GALNTL6: variants seen among roughly 807,000 people sequenced by gnomAD.
GALNTL6 encodes the protein polypeptide N-acetylgalactosaminyltransferase like 6.
In GALNTL6, 46 loss-of-function variants were observed where a neutral mutation model predicts 73.7. The ratio of observed to expected loss-of-function variants is 0.62; its 90% confidence interval spans 0.49 to 0.80. The LOEUF is 0.80. Ranked by LOEUF, GALNTL6 falls within the 30% of genes least tolerant of loss-of-function variation. The pLI is 0.00. For missense variants in GALNTL6, 604 were observed against 755.0 expected (o/e 0.80, Z 2.34); for synonymous variants, 259 against 263.7 (o/e 0.98, Z 0.17).
At chr4:172,239,571 T>C (rs1435573513) in intron 3 of GALNTL6, among the ~76,000 whole-genome samples, 2 of 152,188 alleles carry the variant, frequency 1.3e-5, no homozygotes, top group Non-Finnish European at 2.9e-5. Context: ...ATTTTTTTTA[T>C]GTCTCAATTT....
chr4:172,381,711 A>G (rs950325135), intron 5 of GALNTL6, among the ~76,000 whole-genome samples: 9 of 152,118 alleles, frequency 5.9e-5, no homozygotes, highest in Non-Finnish European at 1.3e-4. Flanking sequence ...CCACTTTTTG[A>G]CTATTATCAA....
chr4:172,482,653 A>G lies in GALNTL6; in HGVS notation c.553+133964A>G, dbSNP rs1420698050. Among the ~76,000 whole-genome samples, 3 of 152,238 alleles carry G rather than the reference A, an allele frequency of 2.0e-5. No individual in the cohort carries two copies. In the East Asian group the frequency reaches 5.8e-4, roughly 29 times the overall value. ...ATACACTAGACTCTCAACATTTAGG[A>G]TTAACTTTTCTTTTCAGTTTTTGGT... On this transcript the variant is annotated intron_variant, in intron 5 of 12. Transcript: ENST00000506823.
chr4:172,656,222 G>A (rs1280440824), intron 5 of GALNTL6, among the ~76,000 whole-genome samples: 1 of 152,066 alleles, frequency 6.6e-6, no homozygotes, highest in Non-Finnish European at 1.5e-5. Flanking sequence ...CAATCTGATT[G>A]GATCCTGGAC....
At chr4:172,824,359 AT>A (rs1742113001) in intron 7 of GALNTL6, among the ~76,000 whole-genome samples, 1 of 146,482 alleles carries the variant, frequency 6.8e-6, no homozygotes, top group African/African-American at 2.6e-5. Flanking sequence ...CTTCCATGGT[AT>A]AGTGTGTGTG....
rs1736723072 is a variant in GALNTL6, at chr4:172,222,723, A to C, written c.139-6933A>C. Reference sequence around the variant, plus strand: ...TATGCAAGTATCATTAAAATGGTACATGAAAAATCATTTTGTGCTCTCAGG... The same window carrying C: ...TATGCAAGTATCATTAAAATGGTACCTGAAAAATCATTTTGTGCTCTCAGG... On this transcript the variant is annotated intron_variant, in intron 2 of 12. Transcript: ENST00000506823. Among the ~76,000 whole-genome samples, 3 of 151,996 alleles carry C rather than the reference A, an allele frequency of 2.0e-5. No individual in the cohort carries two copies. The South Asian group carries it at 6.2e-4, about 31-fold the overall frequency.
At chr4:172,238,622 A>G (rs989827861) in intron 3 of GALNTL6, among the ~76,000 whole-genome samples, 3 of 151,784 alleles carry the variant, frequency 2.0e-5, no homozygotes, top group East Asian at 3.9e-4. Context: ...TCTGACTAGG[A>G]CTTTCAGTAC....
At chr4:172,560,471 G>T (rs771366124) in intron 5 of GALNTL6, among the ~76,000 whole-genome samples, 1 of 151,964 alleles carries the variant, frequency 6.6e-6, no homozygotes, top group African/African-American at 2.4e-5. Context: ...CTTGGGTGAC[G>T]AAGTGAGACT....
intron 2 of GALNTL6, among the ~76,000 whole-genome samples, chr4:171,857,634 T>C (rs1735727845): frequency 6.6e-6 from 1 of 152,200 alleles, no homozygotes; most frequent in African/African-American, 2.4e-5. Context: ...AATGATGTGA[T>C]AATAGCGATG....
intron 12 of GALNTL6, among the ~76,000 whole-genome samples, chr4:173,026,952 G>A (rs976690572): frequency 2.0e-5 from 3 of 151,906 alleles, no homozygotes; most frequent in South Asian, 4.2e-4. Flanking sequence ...TCTACATTTC[G>A]GTTTATAATT....
At chr4:172,788,874 GA>G (rs1007609326) in intron 5 of GALNTL6, among the ~76,000 whole-genome samples, 7 of 152,014 alleles carry the variant, frequency 4.6e-5, no homozygotes, top group African/African-American at 1.7e-4. Context: ...GAGTATAGAT[GA>G]AAACCATTTT....
intron 7 of GALNTL6, among the ~76,000 whole-genome samples, chr4:172,834,282 A>T (rs968123405): frequency 6.6e-6 from 1 of 152,198 alleles, no homozygotes; most frequent in African/African-American, 2.4e-5. Context: ...GCTGAGAACC[A>T]TGAGAGCCCC....
intron 2 of GALNTL6, among the ~76,000 whole-genome samples, chr4:171,909,950 G>A (rs558171414): frequency 2.9e-4 from 44 of 152,104 alleles, no homozygotes; most frequent in African/African-American, 8.9e-4. Flanking sequence ...TGAAATACTG[G>A]CAATGGCTTT....
chr4:173,040,130 T>C lies in GALNTL6; in HGVS notation c.*30T>C. ...AAGAAAGGAAGAAAGAGTGATTACCTACAGGTTATAAATTAAATTTTAGCC... is the reference window on the plus strand; with the variant it reads ...AAGAAAGGAAGAAAGAGTGATTACCCACAGGTTATAAATTAAATTTTAGCC... On this transcript the variant is annotated 3_prime_UTR_variant, in exon 13 of 13. Coordinates refer to ENST00000506823, the MANE Select transcript of GALNTL6 (RefSeq NM_001034845.3). The C allele has an allele frequency of 1.3e-6, 2 of 1,534,714 alleles. No individual in the cohort carries two copies. Among genetic ancestry groups the C allele is most frequent in the Non-Finnish European group, 1.8e-6 (2 of 1,120,564 alleles).
At chr4:172,408,603 AT>A (rs34541128) in intron 5 of GALNTL6, among the ~76,000 whole-genome samples, 6 of 149,434 alleles carry the variant, frequency 4.0e-5, no homozygotes, top group East Asian at 2.0e-4. Flanking sequence ...TGTTCTTCTC[AT>A]TTTTTTTTTC....
chr4:171,900,059 T>A (rs1457598767), intron 2 of GALNTL6, among the ~76,000 whole-genome samples: 12 of 152,138 alleles, frequency 7.9e-5, no homozygotes, highest in Admixed American at 7.2e-4. Flanking sequence ...AAATGAGGGT[T>A]ATGGAGTATA....
chr4:172,888,547 G>A (rs931242102), intron 8 of GALNTL6, among the ~76,000 whole-genome samples: 4 of 152,068 alleles, frequency 2.6e-5, no homozygotes, highest in Non-Finnish European at 5.9e-5. Flanking sequence ...TGTCAACTTT[G>A]TAGAAGATCA....
At position 172,118,583 on chromosome 4, in the gene GALNTL6, C is replaced by T. The variant is rs1299914432; in HGVS notation, c.139-111073C>T. Among the ~76,000 whole-genome samples, 3 of 151,776 alleles carry T rather than the reference C, an allele frequency of 2.0e-5. No individual in the cohort carries two copies. The East Asian group carries it at 5.8e-4, about 29-fold the overall frequency. On this transcript the variant is annotated intron_variant, in intron 2 of 12. Coordinates refer to ENST00000506823, the MANE Select transcript of GALNTL6 (RefSeq NM_001034845.3). The stretch of plus-strand genomic sequence containing the variant: ...GGCATGGTGGCATATGCCTGTAGTC[C>T]CAGCTACTCAGGAGGCTGAGGCATG...
chr4:172,120,905 A>C (rs1733131565), intron 2 of GALNTL6, among the ~76,000 whole-genome samples: 1 of 152,050 alleles, frequency 6.6e-6, no homozygotes, highest in South Asian at 2.1e-4. Flanking sequence ...TTTGCCTATA[A>C]AACTGAAAAT....
At chr4:172,764,878 T>C (rs1738317922) in intron 5 of GALNTL6, among the ~76,000 whole-genome samples, 2 of 152,244 alleles carry the variant, frequency 1.3e-5, no homozygotes, top group African/African-American at 4.8e-5. Flanking sequence ...CCTGCATAGT[T>C]ATCTTAAAAT....
Sources: gnomAD v4.1 joint callset for allele counts (sites outside exome capture counted in the v4.1 genomes callset) on GRCh38, gnomAD v4.1.1 for gene constraint, MANE v1.5 for transcripts, NCBI Gene and HGNC (gene_info 2026-07-23, HGNC 2026-07-21) for gene names.